NRG1: variants seen among roughly 807,000 people sequenced by gnomAD.
NRG1 encodes pro-neuregulin-1, membrane-bound isoform.
A neutral mutation model predicts 63.8 loss-of-function variants in NRG1; 18 were observed. The ratio of observed to expected loss-of-function variants is 0.28; its 90% CI spans 0.19 to 0.42. The LOEUF (loss-of-function observed/expected upper bound fraction) is 0.42. Among genes scored for constraint, NRG1 ranks in the 10% least tolerant of loss-of-function variants. The probability of loss-of-function intolerance (pLI) is 1.00; values close to 1 mark genes in which losing one functional copy is unlikely to be tolerated. For synonymous variants in NRG1, 302 were observed against 301.3 expected, an observed-to-expected ratio of 1.00 and a Z score of -0.02; for missense variants, 762 against 814.7, an observed-to-expected ratio of 0.94 and a Z score of 0.79.
In NRG1 at chr8:32,055,078, C is replaced by T. The variant is rs189745894; in HGVS notation, c.37+415647C>T. Among the ~76,000 whole-genome samples, 1,342 of 151,206 alleles carry T rather than the reference C, an allele frequency of 8.9e-3. 22 individuals are homozygous for T. Among genetic ancestry groups the T allele is most frequent in the African/African-American group, 0.03 (1,235 of 41,208 alleles). On this transcript the variant is annotated intron_variant, in intron 1 of 10. Coordinates refer to the NRG1 transcript ENST00000519301. Reference sequence around the variant, plus strand: ...AATTTTTTTGTATTTTTAGTAGAGACGGGGTTTCAGTATATTGGCCAGGCT... The same window carrying T: ...AATTTTTTTGTATTTTTAGTAGAGATGGGGTTTCAGTATATTGGCCAGGCT...
chr8:32,241,731 T>TGA (rs1848116164), intron 1 of NRG1, among the ~76,000 whole-genome samples: 1 of 151,686 alleles, frequency 6.6e-6, no homozygotes, highest in African/African-American at 2.4e-5. Flanking sequence ...CAGTGTAATG[T>TGA]ACTTGCTTTG....
At chr8:32,125,129 C>T (rs1168550285) in intron 1 of NRG1, among the ~76,000 whole-genome samples, 1 of 151,864 alleles carries the variant, frequency 6.6e-6, no homozygotes. Context: ...CATGTGAGAA[C>T]ACAGCAAGAA....
intron 5 of NRG1, among the ~76,000 whole-genome samples, chr8:32,697,323 C>T (rs1317177723): frequency 1.3e-5 from 2 of 152,210 alleles, no homozygotes; most frequent in Non-Finnish European, 2.9e-5. Flanking sequence ...CTTAGAGATG[C>T]ATGGGTAATT....
intron 1 of NRG1, among the ~76,000 whole-genome samples, chr8:32,209,926 T>A (rs981012707): frequency 2.6e-5 from 4 of 152,140 alleles, no homozygotes. Flanking sequence ...GGAAAGGAAG[T>A]CAACTGGGGT....
intron 1 of NRG1, among the ~76,000 whole-genome samples, chr8:32,205,240 C>T (rs1843915603): frequency 6.6e-6 from 1 of 152,102 alleles, no homozygotes; most frequent in Non-Finnish European, 1.5e-5. Flanking sequence ...AATATTTCTG[C>T]ATTGATTCTA....
At position 32,483,200 on chromosome 8, in the gene NRG1, T is replaced by A. The variant is rs567985768; in HGVS notation, c.38-112628T>A. ...TAGTTCTTATAGTTCATAATCTTAA[T>A]CCTCATCTCCACTTCTCTGCCACTT... On this transcript the variant is annotated intron_variant, in intron 1 of 10. Coordinates refer to the NRG1 transcript ENST00000519301. 2.6e-5 allele frequency among the ~76,000 whole-genome samples: 4 copies of A among 152,324 alleles called. No homozygotes were observed. The South Asian group carries it at 8.3e-4, about 32-fold the overall frequency.
chr8:31,934,413 T>TCC lies in NRG1; in HGVS notation c.37+294983_37+294984insCC, dbSNP rs1191381089. On this transcript the variant is annotated intron_variant, in intron 1 of 10. Coordinates refer to the NRG1 transcript ENST00000519301. ...CACACACATACACACACCCCTTTAT[T>TCC]CGCTCTCTTTTTTTTTTTTTTTTTT... Among the ~76,000 whole-genome samples, 6 of 89,238 alleles carry TCC rather than the reference T, an allele frequency of 6.7e-5. 1 individual carries two copies. Among genetic ancestry groups the TCC allele is most frequent in the East Asian group, 2.2e-4 (1 of 4,510 alleles). 58.5% of individuals were successfully genotyped at this position (89,238 alleles called of 152,430 possible). A position where few individuals can be genotyped will look rare whatever the true frequency, so the allele number is the denominator to read the frequency against.
intron 1 of NRG1, among the ~76,000 whole-genome samples, chr8:31,829,072 C>T (rs967090637): frequency 2.0e-5 from 3 of 152,184 alleles, no homozygotes; most frequent in African/African-American, 7.2e-5. Flanking sequence ...CACGTAAACC[C>T]TGCTTTTGGG....
At chr8:32,697,036 T>C (rs1326836324) in intron 5 of NRG1, among the ~76,000 whole-genome samples, 1 of 152,248 alleles carries the variant, frequency 6.6e-6, no homozygotes, top group African/African-American at 2.4e-5. Context: ...GTGAAAGTCC[T>C]GTAAGCTATA....
chr8:32,614,436 A>G, intron 3 of NRG1, 78 bp from the exon 4 acceptor site: 1 of 1,409,724 alleles, frequency 7.1e-7, no homozygotes, highest in Non-Finnish European at 1.0e-6. Context: ...CTTAACTTTT[A>G]GTTCCAAGGC....
At chr8:32,595,788 G>A in intron 1 of NRG1, 40 bp from the exon 2 acceptor site, 3 of 1,560,544 alleles carry the variant, frequency 1.9e-6, no homozygotes, top group African/African-American at 2.7e-5. Context: ...AAGATTGCCT[G>A]GTGATCAGAG....
At chr8:32,185,116 C>A (rs769513361) in intron 1 of NRG1, among the ~76,000 whole-genome samples, 1 of 152,168 alleles carries the variant, frequency 6.6e-6, no homozygotes, top group Non-Finnish European at 1.5e-5. Flanking sequence ...AGTTCTTACT[C>A]CACACTCCCG....
chr8:32,463,939 G>T (rs1822709945), intron 1 of NRG1, among the ~76,000 whole-genome samples: 1 of 114,658 alleles, frequency 8.7e-6, no homozygotes, highest in African/African-American at 3.3e-5. Context: ...TCTGTTGCCA[G>T]GCTGGAGTGC....
chr8:31,909,563 T>C (rs1832778882), intron 1 of NRG1, among the ~76,000 whole-genome samples: 1 of 152,206 alleles, frequency 6.6e-6, no homozygotes, highest in Non-Finnish European at 1.5e-5. Context: ...AACTCAACAG[T>C]ATGTCTCTGA....
intron 7 of NRG1, chr8:32,748,916 T>G: frequency 3.8e-6 from 1 of 262,622 alleles, no homozygotes. Context: ...TTTCTGTGAA[T>G]GAAACAGACA....
At chr8:32,118,014 A>G (rs941604788) in intron 1 of NRG1, among the ~76,000 whole-genome samples, 4 of 152,096 alleles carry the variant, frequency 2.6e-5, no homozygotes, top group Non-Finnish European at 5.9e-5. Context: ...ATTTTACCCT[A>G]TTACTCAAAT....
At chr8:32,440,847 A>G (rs1819443607) in intron 1 of NRG1, 1 of 152,156 alleles carries the variant, frequency 6.6e-6, no homozygotes. Flanking sequence ...TCTTTCATTG[A>G]GATTACATGA....
chr8:31,910,892 C>CA (rs1448710962), intron 1 of NRG1, among the ~76,000 whole-genome samples: 1 of 152,138 alleles, frequency 6.6e-6, no homozygotes, highest in African/African-American at 2.4e-5. Context: ...GATTTGAATG[C>CA]TGCTGAGAAG....
At chr8:31,654,897 C>T (rs1805276481) in intron 1 of NRG1, among the ~76,000 whole-genome samples, 1 of 152,184 alleles carries the variant, frequency 6.6e-6, no homozygotes, top group South Asian at 2.1e-4. Flanking sequence ...GCTATGATTG[C>T]ATCACTGCAC....
Sources: gnomAD v4.1 joint callset for allele counts (sites outside exome capture counted in the v4.1 genomes callset) on GRCh38, gnomAD v4.1.1 for gene constraint, MANE v1.5 for transcripts, NCBI Gene and HGNC (gene_info 2026-07-23, HGNC 2026-07-21) for gene names.